MSRA: variants seen among roughly 807,000 people sequenced by gnomAD.
MSRA encodes the protein mitochondrial peptide methionine sulfoxide reductase.
In MSRA, 54 loss-of-function variants were observed where a neutral mutation model predicts 31.3. That is an observed-to-expected ratio of 1.73 (90% CI 1.39 to 2.17). The LOEUF (loss-of-function observed/expected upper bound fraction) is 2.17, where lower values mean the gene tolerates loss of function less well. MSRA is among the 30% of genes most tolerant of loss of function. The pLI is 0.00. For missense variants in MSRA, 507 were observed against 300.9 expected, an observed-to-expected ratio of 1.69 and a Z score of -5.07; for synonymous variants, 169 against 116.5, an observed-to-expected ratio of 1.45 and a Z score of -2.90.
rs552536389 is a variant in MSRA at position 10,307,745 on chromosome 8, G to A, written c.436+6107G>A. 1.4e-4 allele frequency among the ~76,000 whole-genome samples: 21 copies of A among 152,292 alleles called. 1 individual carries two copies. Among genetic ancestry groups the A allele is most frequent in the African/African-American group, 4.8e-4 (20 of 41,570 alleles). ...AGGACTGTGGTCTGGAAACTGCTCC[G>A]GTATACTCCTTGGGGAGCAGTGGCC... On this transcript the variant is annotated intron_variant, in intron 4 of 5. Coordinates refer to ENST00000317173, the MANE Select transcript of MSRA (RefSeq NM_012331.5).
At chr8:10,074,732 C>T (rs1563401457) in intron 1 of MSRA, among the ~76,000 whole-genome samples, 1 of 152,094 alleles carries the variant, frequency 6.6e-6, no homozygotes, top group Non-Finnish European at 1.5e-5. Context: ...GACGCCTCCT[C>T]ACAGCAACCT....
At chr8:10,337,761 C>T (rs1231933490) in intron 5 of MSRA, 2 of 702,552 alleles carry the variant, frequency 2.8e-6, no homozygotes, top group South Asian at 1.5e-5. Context: ...GCAGCCTCCT[C>T]TGCTCAACTC....
At position 10,301,616 on chromosome 8, in the gene MSRA, G is replaced by A. The variant is rs201317093; in HGVS notation, c.414G>A (p.Trp138Ter). The A allele has an allele frequency of 1.4e-5, 22 of 1,613,994 alleles. No individual in the cohort carries two copies. In the African/African-American group the frequency reaches 2.1e-4, roughly 16 times the overall value. ...MSFEELLKVF[W>*]ENHDPTQGMR... Reference sequence around the variant, plus strand: ...TTGAGGAACTGCTCAAGGTCTTCTGGGAGAATCACGACCCGACCCAAGGTA... The same window carrying A: ...TTGAGGAACTGCTCAAGGTCTTCTGAGAGAATCACGACCCGACCCAAGGTA... The change falls in exon 4 of 6, where the codon TGG (tryptophan) becomes TGA (stop). Residue 138 changes from tryptophan (W) to a stop codon, truncating the protein, a stop_gained. Coordinates refer to ENST00000317173, the MANE Select transcript of MSRA (RefSeq NM_012331.5). LOFTEE classifies it high-confidence loss of function.
At chr8:10,395,258 C>T (rs1259748599) in intron 5 of MSRA, among the ~76,000 whole-genome samples, 5 of 152,008 alleles carry the variant, frequency 3.3e-5, no homozygotes, top group South Asian at 2.1e-4. Flanking sequence ...TGTGTGCATA[C>T]GTGCACACAC....
intron 1 of MSRA, among the ~76,000 whole-genome samples, chr8:10,142,373 C>T (rs901477332): frequency 6.6e-6 from 1 of 152,284 alleles, no homozygotes; most frequent in East Asian, 1.9e-4. Flanking sequence ...GTCTGGACTG[C>T]GGTCTTAGAG....
chr8:10,325,108 C>G (rs1021915449), intron 5 of MSRA, among the ~76,000 whole-genome samples: 9 of 152,212 alleles, frequency 5.9e-5, no homozygotes, highest in African/African-American at 2.2e-4. Flanking sequence ...GCATTAGTGT[C>G]CTCTGGGTCC....
intron 2 of MSRA, among the ~76,000 whole-genome samples, chr8:10,240,172 C>G (rs762416262): frequency 6.6e-6 from 1 of 152,098 alleles, no homozygotes; most frequent in South Asian, 2.1e-4. Flanking sequence ...CATCACTGGC[C>G]CTTTCAGCAT....
chr8:10,419,563 G>A (rs1808687288), intron 5 of MSRA, among the ~76,000 whole-genome samples: 2 of 152,158 alleles, frequency 1.3e-5, no homozygotes, highest in African/African-American at 2.4e-5. Flanking sequence ...ATCCGTCTCT[G>A]CCCCATTAGA....
intron 5 of MSRA, among the ~76,000 whole-genome samples, chr8:10,413,747 A>G (rs541049366): frequency 3.6e-4 from 55 of 152,324 alleles, no homozygotes; most frequent in African/African-American, 1.1e-3. Context: ...GGCGGAAGAA[A>G]GAATGAAACT....
intron 5 of MSRA, among the ~76,000 whole-genome samples, chr8:10,398,645 T>G (rs541146744): frequency 8.5e-5 from 13 of 152,290 alleles, no homozygotes; most frequent in Admixed American, 2.0e-4. Context: ...TAGCCAAAAA[T>G]AAGTTCTCAG....
intron 5 of MSRA, among the ~76,000 whole-genome samples, chr8:10,354,174 C>G (rs2129160730): frequency 6.6e-6 from 1 of 152,130 alleles, no homozygotes; most frequent in South Asian, 2.1e-4. Context: ...GTTTGTAAGC[C>G]CTGAATGAAG....
At chr8:10,325,507 C>G (rs1186993646) in intron 5 of MSRA, among the ~76,000 whole-genome samples, 1 of 152,080 alleles carries the variant, frequency 6.6e-6, no homozygotes, top group Non-Finnish European at 1.5e-5. Flanking sequence ...ATGTGTATCT[C>G]TCTATGTCTT....
intron 1 of MSRA, among the ~76,000 whole-genome samples, chr8:10,099,819 C>T (rs566747353): frequency 1.4e-4 from 21 of 152,070 alleles, no homozygotes; most frequent in South Asian, 4.1e-4. Context: ...CCCTGGACAC[C>T]GGCTTTCTCT....
At chr8:10,111,372 C>G (rs1247998978) in intron 1 of MSRA, among the ~76,000 whole-genome samples, 1 of 152,192 alleles carries the variant, frequency 6.6e-6, no homozygotes, top group Non-Finnish European at 1.5e-5. Context: ...TGCGTCTTCT[C>G]TCTCTTGGGG....
intron 1 of MSRA, among the ~76,000 whole-genome samples, chr8:10,170,567 T>A (rs961687007): frequency 1.3e-5 from 2 of 151,970 alleles, no homozygotes; most frequent in Non-Finnish European, 2.9e-5. Flanking sequence ...AAAATGTTTT[T>A]AAAAAAAACA....
intron 4 of MSRA, among the ~76,000 whole-genome samples, chr8:10,317,451 G>T (rs1319018989): frequency 6.6e-6 from 1 of 152,274 alleles, no homozygotes; most frequent in East Asian, 1.9e-4. Flanking sequence ...CTCTGGCTCT[G>T]CCGAGAGGGA....
intron 2 of MSRA, among the ~76,000 whole-genome samples, chr8:10,238,969 A>T (rs1191640617): frequency 6.6e-6 from 1 of 152,218 alleles, no homozygotes; most frequent in Admixed American, 6.5e-5. Context: ...AGCAAATCAG[A>T]TATGAGGTAA....
intron 1 of MSRA, among the ~76,000 whole-genome samples, chr8:10,070,881 C>A (rs1797699799): frequency 6.6e-6 from 1 of 152,178 alleles, no homozygotes; most frequent in Non-Finnish European, 1.5e-5. Context: ...GGATGTACCA[C>A]AGTTTAACCA....
rs1338275703 is a variant in MSRA at position 10,101,871 on chromosome 8, G to GCTC, written c.142+47216_142+47218dup. ...CATGAGTGCACAGATATCTCTTTGA[G>GCTC]CTCCTGTTTCCAGTTCTTTTGAGTA... On this transcript the variant is annotated intron_variant, in intron 1 of 5. Coordinates refer to ENST00000317173, the MANE Select transcript of MSRA (RefSeq NM_012331.5). 9.3e-4 allele frequency among the ~76,000 whole-genome samples: 141 copies of GCTC among 152,264 alleles called. 1 individual carries two copies. Among genetic ancestry groups the GCTC allele is most frequent in the Non-Finnish European group, 8.8e-5 (6 of 68,020 alleles).
Sources: gnomAD v4.1 joint callset for allele counts (sites outside exome capture counted in the v4.1 genomes callset) on GRCh38, gnomAD v4.1.1 for gene constraint, MANE v1.5 for transcripts, NCBI Gene and HGNC (gene_info 2026-07-23, HGNC 2026-07-21) for gene names.